Variants in RCSD1 observed in about 807,000 individuals in gnomAD.
RCSD1 encodes the protein capZ-interacting protein.
RCSD1 carries 26 observed loss-of-function variants against 42.5 expected under a neutral mutation model. That is an observed-to-expected ratio of 0.61 (90% confidence interval 0.45 to 0.85). The LOEUF is 0.85. Ranked by LOEUF, RCSD1 falls within the 40% of genes least tolerant of loss-of-function variation. The pLI, the probability that RCSD1 is intolerant of heterozygous loss-of-function variation, is 0.00. For missense variants in RCSD1, 571 were observed against 528.3 expected, an observed-to-expected ratio of 1.08 and a Z score of -0.79; for synonymous variants, 220 against 212.2, an observed-to-expected ratio of 1.04 and a Z score of -0.32.
chr1:167,645,428 GAGATA>G (rs1300339711), intron 1 of RCSD1, among the ~76,000 whole-genome samples: 2 of 152,198 alleles, frequency 1.3e-5, no homozygotes, highest in African/African-American at 2.4e-5. Context: ...GTGGTGCCAA[GAGATA>G]AGATATGTCC....
intron 1 of RCSD1, among the ~76,000 whole-genome samples, chr1:167,662,003 G>C (rs2102214707): frequency 6.6e-6 from 1 of 152,296 alleles, no homozygotes; most frequent in Non-Finnish European, 1.5e-5. Context: ...TAGAGTCTGG[G>C]AGCCCCCTGA....
chr1:167,674,182 C>A (rs745511305), intron 1 of RCSD1, among the ~76,000 whole-genome samples: 1 of 152,178 alleles, frequency 6.6e-6, no homozygotes, highest in Non-Finnish European at 1.5e-5. Context: ...CTGAGTGCCC[C>A]CTCAAGCCAG....
In RCSD1 at chr1:167,639,321, T is replaced by A. The variant is rs1268723058; in HGVS notation, c.6+8892T>A. On this transcript the variant is annotated intron_variant, in intron 1 of 6. Coordinates refer to ENST00000367854, the MANE Select transcript of RCSD1 (RefSeq NM_052862.4). ...CTTTGACCCGCATGTTCAAATGAAC[T>A]CATATATAATGACTTTATTGATTTT... 3.3e-5 allele frequency among the ~76,000 whole-genome samples: 5 copies of A among 152,240 alleles called. No individual in the cohort carries two copies. In the East Asian group the frequency reaches 9.6e-4, roughly 29 times the overall value.
At chr1:167,634,941 A>AGTGTGTGTGTGTGTGTGTGT (rs68149146) in intron 1 of RCSD1, among the ~76,000 whole-genome samples, 1 of 146,508 alleles carries the variant, frequency 6.8e-6, no homozygotes, top group African/African-American at 2.5e-5. Flanking sequence ...CTATGATGAG[A>AGTGTGTGTGTGTGTGTGTGT]GTGTGTGTGT....
intron 1 of RCSD1, among the ~76,000 whole-genome samples, chr1:167,670,169 A>G (rs1421840416): frequency 6.6e-6 from 1 of 152,140 alleles, no homozygotes; most frequent in Non-Finnish European, 1.5e-5. Context: ...GCTCTCTGTG[A>G]AGTCAATTTT....
chr1:167,691,863 G>A (rs1159699886), intron 4 of RCSD1, among the ~76,000 whole-genome samples: 1 of 152,144 alleles, frequency 6.6e-6, no homozygotes, highest in Admixed American at 6.5e-5. Flanking sequence ...GGAGGCTGCA[G>A]GGCTCCTAAA....
chr1:167,668,482 A>G (rs1280276565), intron 1 of RCSD1, among the ~76,000 whole-genome samples: 1 of 152,066 alleles, frequency 6.6e-6, no homozygotes, highest in Admixed American at 6.6e-5. Context: ...CTCAGTTTAA[A>G]TGTCACATCT....
At chr1:167,683,776 T>C (rs1659144308) in intron 1 of RCSD1, 124 bp from the exon 2 acceptor site, 1 of 878,026 alleles carries the variant, frequency 1.1e-6, no homozygotes, top group East Asian at 2.4e-5. Context: ...CAGGAGCCAG[T>C]TGGATAATGC....
chr1:167,634,194 C>T (rs1657773071), intron 1 of RCSD1, among the ~76,000 whole-genome samples: 2 of 152,222 alleles, frequency 1.3e-5, no homozygotes. Context: ...CTCTACAGCA[C>T]TCTCAGAGCA....
At chr1:167,633,174 C>T (rs987585489) in intron 1 of RCSD1, among the ~76,000 whole-genome samples, 1 of 152,198 alleles carries the variant, frequency 6.6e-6, no homozygotes, top group African/African-American at 2.4e-5. Context: ...CAATCTTCAT[C>T]CCTCATAAAG....
intron 1 of RCSD1, among the ~76,000 whole-genome samples, chr1:167,682,513 C>T (rs1338801668): frequency 6.6e-6 from 1 of 152,182 alleles, no homozygotes; most frequent in East Asian, 1.9e-4. Flanking sequence ...ACTTAACTTC[C>T]CTGCTGGAAG....
chr1:167,679,724 C>T (rs1446979247), intron 1 of RCSD1, among the ~76,000 whole-genome samples: 1 of 152,220 alleles, frequency 6.6e-6, no homozygotes, highest in African/African-American at 2.4e-5. Context: ...GATGATGAGG[C>T]CTTCCCTGGG....
chr1:167,698,289 C>G (rs1385268050), intron 6 of RCSD1, among the ~76,000 whole-genome samples: 1 of 152,202 alleles, frequency 6.6e-6, no homozygotes. Flanking sequence ...TGTGCATGAA[C>G]AAGGTGGAAT....
At chr1:167,656,406 ATGCTTTTAC>A (rs1658427168) in intron 1 of RCSD1, among the ~76,000 whole-genome samples, 1 of 152,236 alleles carries the variant, frequency 6.6e-6, no homozygotes, top group Admixed American at 6.5e-5. Flanking sequence ...GGCAAATGGA[ATGCTTTTAC>A]TGGAATAAAA....
chr1:167,680,303 G>A (rs1426626321), intron 1 of RCSD1, among the ~76,000 whole-genome samples: 3 of 151,856 alleles, frequency 2.0e-5, no homozygotes, highest in Admixed American at 2.0e-4. Flanking sequence ...GCAGGGGAGG[G>A]ACTTACATAC....
Position 167,704,899 on chromosome 1 carries a change from C to T in RCSD1, c.*203C>T. The stretch of plus-strand genomic sequence containing the variant: ...TGCAGATGGAGACTGAATCTGAGGG[C>T]AGCAGACTTTTATCAGCTTGAGTTT... On this transcript the variant is annotated 3_prime_UTR_variant, in exon 7 of 7. Transcript: ENST00000367854. The T allele has an allele frequency of 1.8e-6, 1 of 543,926 alleles. No individual in the cohort carries two copies. The highest frequency in any genetic ancestry group is 1.9e-5 in the African/African-American group (1 of 52,510). 33.7% of individuals were successfully genotyped at this position (543,926 alleles called of 1,614,324 possible). A position where few individuals can be genotyped will look rare whatever the true frequency, so the allele number is the denominator to read the frequency against.
chr1:167,693,957 G>A (rs150460599), intron 4 of RCSD1, 142 bp from the exon 5 acceptor site: 46 of 710,650 alleles, frequency 6.5e-5, no homozygotes, highest in Non-Finnish European at 9.0e-5. Context: ...ATGGGACAGT[G>A]GATAATGGGT....
chr1:167,683,645 C>T (rs1433633718), intron 1 of RCSD1, among the ~76,000 whole-genome samples: 3 of 152,212 alleles, frequency 2.0e-5, no homozygotes, highest in Non-Finnish European at 4.4e-5. Flanking sequence ...CATCCCAGGG[C>T]ACCCCTCCAG....
In RCSD1 at chr1:167,704,653, C is replaced by A. The variant is rs369651566; in HGVS notation, c.1219-11C>A. The A allele has an allele frequency of 2.7e-5, 44 of 1,611,602 alleles. No homozygotes were observed. The Admixed American group carries it at 3.3e-4, about 12-fold the overall frequency. ...ATTTTCCTAATTAATTCTTTCCTCC[C>A]CTGTTCACAGGATGACACTCCTGTC... On this transcript the variant is annotated splice_polypyrimidine_tract_variant and intron_variant, in intron 6 of 6. Coordinates refer to ENST00000367854, the MANE Select transcript of RCSD1 (RefSeq NM_052862.4).
Sources: allele counts gnomAD v4.1 joint callset (sites outside exome capture counted in the v4.1 genomes callset), GRCh38; gene constraint gnomAD v4.1.1; transcripts MANE v1.5; gene names NCBI Gene and HGNC (gene_info 2026-07-23, HGNC 2026-07-21).